The following CTNNA2 variants were observed in gnomAD, a reference collection of about 807,000 sequenced individuals.
CTNNA2 encodes catenin alpha-2.
A neutral mutation model predicts 101.0 loss-of-function variants in CTNNA2; 42 were observed. The observed-to-expected ratio is 0.42, with a 90% CI of 0.32 to 0.54. CTNNA2 has a LOEUF of 0.54. CTNNA2 is among the 20% of genes least tolerant of loss of function. The probability of loss-of-function intolerance (pLI) is 0.14; values close to 1 mark genes in which losing one functional copy is unlikely to be tolerated. For synonymous variants in CTNNA2, 450 were observed against 456.4 expected (o/e 0.99, Z 0.18); for missense variants, 871 against 1,223.1 (o/e 0.71, Z 4.29).
chr2:80,073,353 A>C (rs535652386), intron 7 of CTNNA2, among the ~76,000 whole-genome samples: 11 of 152,168 alleles, frequency 7.2e-5, no homozygotes, highest in Non-Finnish European at 1.5e-4. Flanking sequence ...CCAGTTCAGA[A>C]AGGAAAAAGG....
At chr2:80,444,958 C>T (rs1400865774) in intron 9 of CTNNA2, among the ~76,000 whole-genome samples, 2 of 152,128 alleles carry the variant, frequency 1.3e-5, no homozygotes, top group African/African-American at 4.8e-5. Context: ...GTAGCATCCA[C>T]CCAGTTATGA....
chr2:80,603,283 T>C (rs958523293), intron 15 of CTNNA2, among the ~76,000 whole-genome samples: 3 of 152,172 alleles, frequency 2.0e-5, no homozygotes, highest in African/African-American at 7.2e-5. Flanking sequence ...ATAATTTCCA[T>C]TTCCCTTATA....
Position 80,303,932 on chromosome 2 carries a change from C to A in CTNNA2, c.1057-89279C>A. 1.6e-6 allele frequency: 2 copies of A among 1,249,894 alleles called. No homozygotes were observed. Among genetic ancestry groups the A allele is most frequent in the Non-Finnish European group, 2.1e-6 (2 of 939,048 alleles). The allele number at this position is 1,249,894 out of a possible 1,614,324, so 77.4% of individuals were successfully genotyped here. ...GAAGCGGGGGAGGGGGAGAAAAGGG[C>A]AAAAAATCAAATAAATACATAGAAA... On this transcript the variant is annotated intron_variant, in intron 7 of 18. Coordinates refer to ENST00000402739, the MANE Select transcript of CTNNA2 (RefSeq NM_001282597.3). This position sits in a 1 kb window ranked among gnomAD's most constrained non-coding sequence, Gnocchi z 7.7.
At chr2:80,497,527 A>G (rs1342499326) in intron 9 of CTNNA2, among the ~76,000 whole-genome samples, 1 of 152,220 alleles carries the variant, frequency 6.6e-6, no homozygotes, top group African/African-American at 2.4e-5. Context: ...GTAGTCTTCT[A>G]CATACTGTAC....
At chr2:80,392,557 C>G (rs898674594) in intron 7 of CTNNA2, among the ~76,000 whole-genome samples, 1 of 151,890 alleles carries the variant, frequency 6.6e-6, no homozygotes, top group Admixed American at 6.6e-5. Flanking sequence ...TCCAAGTGAA[C>G]AATTTATTAA....
intron 9 of CTNNA2, among the ~76,000 whole-genome samples, chr2:80,516,864 T>C (rs555625312): frequency 7.2e-5 from 11 of 152,348 alleles, no homozygotes; most frequent in African/African-American, 2.6e-4. Context: ...TCTTTTTACT[T>C]GAGTTAAGGC....
intron 8 of CTNNA2, among the ~76,000 whole-genome samples, chr2:80,409,729 T>C (rs1490868296): frequency 6.6e-6 from 1 of 152,250 alleles, no homozygotes; most frequent in Non-Finnish European, 1.5e-5. Context: ...ACCTCTGAGC[T>C]AATTGCATTA....
chr2:79,282,400 C>A (rs1675415560), intron 2 of CTNNA2, among the ~76,000 whole-genome samples: 1 of 152,172 alleles, frequency 6.6e-6, no homozygotes, highest in South Asian at 2.1e-4. Flanking sequence ...AGTGCTATCC[C>A]TCCCCGCTCC....
chr2:80,091,122 GCTTATAATAATTAGATT>G (rs1388652860), intron 7 of CTNNA2, among the ~76,000 whole-genome samples: 31 of 152,190 alleles, frequency 2.0e-4, no homozygotes, highest in Admixed American at 1.0e-3. Flanking sequence ...GATTAAACAT[GCTTATAATAATTAGATT>G]CAAAGCTTTT....
intron 7 of CTNNA2, among the ~76,000 whole-genome samples, chr2:80,390,611 A>G (rs2149362982): frequency 6.6e-6 from 1 of 152,350 alleles, no homozygotes; most frequent in Admixed American, 6.5e-5. Context: ...ATAAAAATAC[A>G]GGATGCCCAG....
At chr2:79,420,463 G>A (rs984985206) in intron 4 of CTNNA2, among the ~76,000 whole-genome samples, 1 of 152,132 alleles carries the variant, frequency 6.6e-6, no homozygotes, top group Non-Finnish European at 1.5e-5. Context: ...ACTAAAGGCA[G>A]GCTAAACTGC....
intron 1 of CTNNA2, among the ~76,000 whole-genome samples, chr2:79,570,658 A>G (rs1675408662): frequency 6.6e-6 from 1 of 152,152 alleles, no homozygotes; most frequent in African/African-American, 2.4e-5. Flanking sequence ...TCAGAAAACT[A>G]TACTTTAGAA....
chr2:80,404,848 G>A (rs1678918587), intron 8 of CTNNA2, among the ~76,000 whole-genome samples: 1 of 152,194 alleles, frequency 6.6e-6, no homozygotes, highest in Non-Finnish European at 1.5e-5. Flanking sequence ...GTTAAGATCA[G>A]TGATTTTGTA....
intron 3 of CTNNA2, among the ~76,000 whole-genome samples, chr2:79,336,698 G>A (rs1677001565): frequency 6.6e-6 from 1 of 151,926 alleles, no homozygotes; most frequent in South Asian, 2.1e-4. Context: ...CTGGTAAGAA[G>A]AGCCCCCACC....
intron 9 of CTNNA2, among the ~76,000 whole-genome samples, chr2:80,428,742 A>C (rs2149421902): frequency 6.6e-6 from 1 of 152,304 alleles, no homozygotes; most frequent in African/African-American, 2.4e-5. Flanking sequence ...CTAAAAAGAA[A>C]ATCTAGAAAA....
chr2:80,426,100 C>T (rs978650232), intron 9 of CTNNA2, among the ~76,000 whole-genome samples: 12 of 152,014 alleles, frequency 7.9e-5, no homozygotes, highest in African/African-American at 2.7e-4. Flanking sequence ...TAGTAATTTC[C>T]TCTCATCTTC....
intron 12 of CTNNA2, among the ~76,000 whole-genome samples, chr2:80,566,410 C>T (rs148325109): frequency 6.6e-6 from 1 of 152,266 alleles, no homozygotes; most frequent in African/African-American, 2.4e-5. Context: ...ACTGGGGGCC[C>T]TCTCAGAGGC....
At chr2:80,536,396 TGA>T (rs1208335362) in intron 9 of CTNNA2, among the ~76,000 whole-genome samples, 4 of 152,202 alleles carry the variant, frequency 2.6e-5, no homozygotes, top group Non-Finnish European at 5.9e-5. Context: ...ACAGTGATGA[TGA>T]AATATTAACA....
At chr2:79,716,712 T>C (rs1686131264) in intron 2 of CTNNA2, among the ~76,000 whole-genome samples, 1 of 152,156 alleles carries the variant, frequency 6.6e-6, no homozygotes, top group South Asian at 2.1e-4. Context: ...ACATAGGATA[T>C]TCTGGTATTT....
Sources: gnomAD v4.1 joint callset for allele counts (sites outside exome capture counted in the v4.1 genomes callset) on GRCh38, gnomAD v4.1.1 for gene constraint, Gnocchi (gnomAD v3.1) non-coding constraint, MANE v1.5 for transcripts, NCBI Gene and HGNC (gene_info 2026-07-23, HGNC 2026-07-21) for gene names.